Variants in SMCHD1 observed in about 807,000 individuals in gnomAD.
The protein encoded by SMCHD1 is structural maintenance of chromosomes flexible hinge domain containing 1, also known as structural maintenance of chromosomes flexible hinge domain-containing protein 1.
Under a neutral mutation model 254.7 loss-of-function variants are expected in SMCHD1, and 78 were observed. The observed-to-expected ratio is 0.31, with a 90% CI of 0.26 to 0.37. The LOEUF is 0.37. Among genes scored for constraint, SMCHD1 ranks in the 10% least tolerant of loss-of-function variants. The pLI is 1.00. For synonymous variants in SMCHD1, 766 were observed against 794.9 expected (o/e 0.96, Z 0.61); for missense variants, 1,840 against 2,408.1 (o/e 0.76, Z 4.94).
chr18:2,662,583 T>G (rs2073316705), intron 1 of SMCHD1, among the ~76,000 whole-genome samples: 1 of 148,050 alleles, frequency 6.8e-6, no homozygotes, highest in African/African-American at 2.5e-5. Flanking sequence ...CGGCGGAGCT[T>G]GCAGTGAGCT....
chr18:2,784,137 T>C (rs1327037940), intron 44 of SMCHD1, among the ~76,000 whole-genome samples: 1 of 152,244 alleles, frequency 6.6e-6, no homozygotes, highest in Non-Finnish European at 1.5e-5. Context: ...CCTTGATACT[T>C]AACTGCCATG....
chr18:2,678,975 G>A (rs1227935201), intron 5 of SMCHD1, among the ~76,000 whole-genome samples: 2 of 150,858 alleles, frequency 1.3e-5, no homozygotes, highest in South Asian at 2.1e-4. Context: ...AGCCTCCCAA[G>A]TAGCTGGGAT....
intron 40 of SMCHD1, among the ~76,000 whole-genome samples, chr18:2,771,937 T>G (rs1453979189): frequency 6.6e-6 from 1 of 152,166 alleles, no homozygotes; most frequent in Non-Finnish European, 1.5e-5. Context: ...CAATCTAGAT[T>G]TTTAAAATTT....
In SMCHD1 at chr18:2,697,100, C is replaced by T; in HGVS notation, c.1109C>T (p.Pro370Leu). The T allele has an allele frequency of 6.7e-7, 1 of 1,487,846 alleles. No individual in the cohort carries two copies. The highest frequency in any genetic ancestry group is 2.5e-5 in the East Asian group (1 of 39,866). 92.2% of individuals were successfully genotyped at this position (1,487,846 alleles called of 1,614,324 possible). ...ATACGAACATCAAAAGAAGTTGAACCTTTCAACAATATTGATATTGAAGTA... is the reference window on the plus strand; with the variant it reads ...ATACGAACATCAAAAGAAGTTGAACTTTTCAACAATATTGATATTGAAGTA... The part of the protein sequence containing the change: ...NEIRTSKEVE[P>L]FNNIDIEISM... The change falls in exon 9 of 48, where the codon CCT becomes CTT. Residue 370 changes from proline (P) to leucine (L), a missense_variant. Physicochemically the swap from Pro to Leu is moderately conservative, Grantham distance 98. Coordinates refer to ENST00000320876, the MANE Select transcript of SMCHD1 (RefSeq NM_015295.3).
intron 23 of SMCHD1, 82 bp downstream of exon 23, chr18:2,728,678 T>G: frequency 1.4e-6 from 2 of 1,397,422 alleles, no homozygotes; most frequent in Non-Finnish European, 1.9e-6. Context: ...TAGTAAGTCT[T>G]ACACAGGATT....
intron 32 of SMCHD1, 137 bp from the exon 33 acceptor site, chr18:2,751,141 A>G (rs894200734): frequency 1.3e-5 from 7 of 556,554 alleles, no homozygotes; most frequent in African/African-American, 1.2e-4. Flanking sequence ...ACATTTCTTC[A>G]TCAGAATTGT....
chr18:2,766,406 A>G (rs2075869664), intron 37 of SMCHD1, among the ~76,000 whole-genome samples: 1 of 152,210 alleles, frequency 6.6e-6, no homozygotes, highest in South Asian at 2.1e-4. Flanking sequence ...GTATATAAAA[A>G]TCTCTTCACA....
chr18:2,695,273 A>G (rs2074261751), intron 8 of SMCHD1, among the ~76,000 whole-genome samples: 1 of 151,994 alleles, frequency 6.6e-6, no homozygotes, highest in Non-Finnish European at 1.5e-5. Flanking sequence ...ATTAGACCAA[A>G]TCAGAGGAAT....
At chr18:2,739,585 A>G in intron 27 of SMCHD1, 65 bp downstream of exon 27, 1 of 1,214,406 alleles carries the variant, frequency 8.2e-7, no homozygotes, top group Non-Finnish European at 1.2e-6. Flanking sequence ...CCTTCCATGG[A>G]TGTTTTAGAT....
At chr18:2,725,995 T>A (rs1210652847) in intron 21 of SMCHD1, among the ~76,000 whole-genome samples, 4 of 151,914 alleles carry the variant, frequency 2.6e-5, no homozygotes, top group Non-Finnish European at 5.9e-5. Flanking sequence ...CGTGGACTTT[T>A]TTTTACTTGT....
At chr18:2,754,511 C>T (rs1315820080) in intron 34 of SMCHD1, among the ~76,000 whole-genome samples, 3 of 152,136 alleles carry the variant, frequency 2.0e-5, no homozygotes, top group African/African-American at 2.4e-5. Flanking sequence ...TGTGACAATG[C>T]GTATAAAATG....
At chr18:2,712,596 T>G (rs750498224) in intron 17 of SMCHD1, among the ~76,000 whole-genome samples, 5 of 152,216 alleles carry the variant, frequency 3.3e-5, no homozygotes, top group Non-Finnish European at 7.3e-5. Flanking sequence ...GTGCAGATTT[T>G]GGTATACATG....
chr18:2,689,593 C>T (rs2074128753), intron 7 of SMCHD1, among the ~76,000 whole-genome samples: 1 of 151,974 alleles, frequency 6.6e-6, no homozygotes. Context: ...GATGGGGTCT[C>T]ACTCTGTCCC....
intron 25 of SMCHD1, among the ~76,000 whole-genome samples, chr18:2,737,264 C>T (rs1173141132): frequency 6.6e-6 from 1 of 152,084 alleles, no homozygotes; most frequent in Non-Finnish European, 1.5e-5. Flanking sequence ...TGAAAAACTA[C>T]CTGTTGGGTA....
chr18:2,664,426 CTT>C (rs1404064320), intron 1 of SMCHD1, among the ~76,000 whole-genome samples: 1 of 152,012 alleles, frequency 6.6e-6, no homozygotes, highest in Non-Finnish European at 1.5e-5. Flanking sequence ...CCACCAGTCT[CTT>C]TAGTTTTCCT....
At chr18:2,730,984 C>CTTTT (rs1254567950) in intron 24 of SMCHD1, among the ~76,000 whole-genome samples, 1 of 152,200 alleles carries the variant, frequency 6.6e-6, no homozygotes, top group Non-Finnish European at 1.5e-5. Context: ...GGCATTAGGA[C>CTTTT]TTTTGTAAAT....
At chr18:2,673,599 T>C (rs1598294184) in intron 4 of SMCHD1, among the ~76,000 whole-genome samples, 1 of 110,856 alleles carries the variant, frequency 9.0e-6, no homozygotes, top group African/African-American at 9.6e-5. Context: ...ATTGTTAACA[T>C]GTGTCATATC....
Position 2,764,038 on chromosome 18 carries a change from A to T in SMCHD1, c.4719+249A>T. On this transcript the variant is annotated intron_variant, in intron 37 of 47. Transcript: ENST00000320876. Reference sequence around the variant, plus strand: ...TCTAGTTGTTTTTAACTTTAGTGACAGTACGTGATGTTTTATGTTTCATTG... The same window carrying T: ...TCTAGTTGTTTTTAACTTTAGTGACTGTACGTGATGTTTTATGTTTCATTG... 3 of 353,090 alleles carry T rather than the reference A, an allele frequency of 8.5e-6. No individual in the cohort carries two copies. In the South Asian group the frequency reaches 1.2e-4, roughly 15 times the overall value. The allele number at this position is 353,090 out of a possible 1,614,324, so 21.9% of individuals were successfully genotyped here. A position where few individuals can be genotyped will look rare whatever the true frequency, so the allele number is the denominator to read the frequency against.
intron 1 of SMCHD1, among the ~76,000 whole-genome samples, chr18:2,661,326 C>A (rs2073245945): frequency 7.0e-6 from 1 of 142,032 alleles, no homozygotes. Context: ...GCACATGTAT[C>A]CAGGAACTTA....
Sources: allele counts gnomAD v4.1 joint callset (sites outside exome capture counted in the v4.1 genomes callset), GRCh38; gene constraint gnomAD v4.1.1; transcripts MANE v1.5; gene names NCBI Gene and HGNC (gene_info 2026-07-23, HGNC 2026-07-21).